CFAP46: variants seen among roughly 807,000 people sequenced by gnomAD.
CFAP46 encodes the protein cilia and flagella associated protein 46.
CFAP46 carries 245 observed loss-of-function variants against 325.7 expected under a neutral mutation model. That is an observed-to-expected ratio of 0.75 (90% CI 0.68 to 0.84). The LOEUF (loss-of-function observed/expected upper bound fraction) is 0.84, where lower values mean the gene tolerates loss of function less well. Ranked by LOEUF, CFAP46 falls within the 40% of genes least tolerant of loss-of-function variation. The pLI, the probability that CFAP46 is intolerant of heterozygous loss-of-function variation, is 0.00. For missense variants in CFAP46, 3,346 were observed against 3,543.0 expected, an observed-to-expected ratio of 0.94 and a Z score of 1.41; for synonymous variants, 1,523 against 1,495.9, an observed-to-expected ratio of 1.02 and a Z score of -0.42.
intron 18 of CFAP46, 94 bp from the exon 19 acceptor site, chr10:132,912,914 G>A (rs1410701425): frequency 4.7e-6 from 7 of 1,496,826 alleles, no homozygotes; most frequent in African/African-American, 2.8e-5. Flanking sequence ...AGAGGCCTGA[G>A]ATGCACGGGT....
At chr10:132,826,972 C>T (rs1848067837) in intron 50 of CFAP46, among the ~76,000 whole-genome samples, 1 of 152,174 alleles carries the variant, frequency 6.6e-6, no homozygotes, top group South Asian at 2.1e-4. Context: ...CAGGTGCTGC[C>T]TCCTGCCTGA....
rs1164440494 is a variant in CFAP46, at chr10:132,920,137, T to A, written c.1652A>T (p.Lys551Met). ...CACGCTGACGGTGTGGTGCCACGCCTTCGCACAGAGGTAGGTGAACCGGCC... is the reference window on the plus strand; with the variant it reads ...CACGCTGACGGTGTGGTGCCACGCCATCGCACAGAGGTAGGTGAACCGGCC... ...NRGRFTYLCA[K>M]AWHHTVSVDK... The change falls in exon 14 of 58, where the codon AAG (lysine) becomes ATG (methionine). Residue 551 changes from lysine (K) to methionine (M), a missense_variant. By Grantham distance (95) the Lys-to-Met change is moderately conservative. Coordinates refer to ENST00000368586, the MANE Select transcript of CFAP46 (RefSeq NM_001200049.3). The A allele has an allele frequency of 1.1e-5, 17 of 1,548,758 alleles. No individual in the cohort carries two copies. Among genetic ancestry groups the A allele is most frequent in the Admixed American group, 4.0e-5 (2 of 50,632 alleles).
chr10:132,825,113 GA>G (rs1235464244), intron 50 of CFAP46, among the ~76,000 whole-genome samples: 1 of 146,908 alleles, frequency 6.8e-6, no homozygotes, highest in African/African-American at 2.6e-5. Flanking sequence ...GATGTGTGCT[GA>G]TGTGTGCACT....
rs376257826 is a variant in CFAP46 at position 132,834,234 on chromosome 10, C to G, written c.6867-111G>C. ...CTCTAAGGCAGCAGCACCACGAATC[C>G]CCACGCTCACTTCTGGGGATGGTCC... On this transcript the variant is annotated intron_variant, in intron 48 of 57. Coordinates refer to ENST00000368586, the MANE Select transcript of CFAP46 (RefSeq NM_001200049.3). The G allele has an allele frequency of 1.3e-5, 13 of 969,128 alleles. No homozygotes were observed. The Admixed American group carries it at 2.8e-4, about 21-fold the overall frequency. 60.0% of individuals were successfully genotyped at this position (969,128 alleles called of 1,614,324 possible). A position where few individuals can be genotyped will look rare whatever the true frequency, so the allele number is the denominator to read the frequency against.
At chr10:132,909,835 G>A (rs943561665) in intron 20 of CFAP46, 84 bp downstream of exon 20, 25 of 1,290,116 alleles carry the variant, frequency 1.9e-5, no homozygotes, top group African/African-American at 6.2e-5. Flanking sequence ...AAGTGGTCCC[G>A]GGGGCCCCAC....
intron 9 of CFAP46, among the ~76,000 whole-genome samples, chr10:132,928,305 A>G (rs1230812898): frequency 6.6e-6 from 1 of 152,144 alleles, no homozygotes; most frequent in Non-Finnish European, 1.5e-5. Context: ...AATTGGGGAC[A>G]CCGTGCCGTG....
At chr10:132,818,260 C>T (rs1847732165) in intron 50 of CFAP46, among the ~76,000 whole-genome samples, 1 of 151,282 alleles carries the variant, frequency 6.6e-6, no homozygotes, top group African/African-American at 2.4e-5. Context: ...TGGATCCCCT[C>T]GTAGAAAAAA....
intron 15 of CFAP46, 30 bp from the exon 16 acceptor site, chr10:132,918,550 T>C: frequency 6.7e-7 from 1 of 1,496,482 alleles, no homozygotes; most frequent in Non-Finnish European, 9.0e-7. Context: ...GTAAGGATCA[T>C]GTTTTTTTCT....
At chr10:132,898,892 G>C in intron 24 of CFAP46, 67 bp downstream of exon 24, 1 of 1,524,182 alleles carries the variant, frequency 6.6e-7, no homozygotes. Flanking sequence ...GAGTCTCTCC[G>C]GTCCTTTCTG....
At chr10:132,823,428 G>C (rs1214884330) in intron 50 of CFAP46, among the ~76,000 whole-genome samples, 7 of 140,140 alleles carry the variant, frequency 5.0e-5, no homozygotes, top group Admixed American at 2.1e-4. Context: ...TGTGAGTGCT[G>C]ATGTGTGCTG....
At position 132,862,376 on chromosome 10, in the gene CFAP46, G is replaced by A. The variant is rs970194781; in HGVS notation, c.4891-1394C>T. Among the ~76,000 whole-genome samples, 12 of 151,400 alleles carry A rather than the reference G, an allele frequency of 7.9e-5. No individual in the cohort carries two copies. The South Asian group carries it at 1.5e-3, about 19-fold the overall frequency. On this transcript the variant is annotated intron_variant, in intron 35 of 57. Coordinates refer to ENST00000368586, the MANE Select transcript of CFAP46 (RefSeq NM_001200049.3). ...TTCCACATGGAGAGGAGGAGGGTGC[G>A]GAGGTGGGACAGAGCTTGGCCGGGG... is the stretch of plus-strand genomic sequence containing the variant.
In CFAP46 at chr10:132,924,695, C is replaced by A; in HGVS notation, c.1256+1G>T. 2 of 1,521,028 alleles carry A rather than the reference C, an allele frequency of 1.3e-6. No homozygotes were observed. The highest frequency in any genetic ancestry group is 8.8e-7 in the Non-Finnish European group (1 of 1,134,854). 94.2% of individuals were successfully genotyped at this position (1,521,028 alleles called of 1,614,324 possible). The stretch of plus-strand genomic sequence containing the variant: ...GGACACAGCACAGGTGAGCGCCCCA[C>A]CTGTCCAGCTTCTCCAGCACGTCCG... On this transcript the variant is annotated splice_donor_variant, in intron 11 of 57. Coordinates refer to ENST00000368586, the MANE Select transcript of CFAP46 (RefSeq NM_001200049.3). LOFTEE classifies it high-confidence loss of function.
intron 50 of CFAP46, among the ~76,000 whole-genome samples, chr10:132,829,768 A>C (rs1176194599): frequency 1.3e-5 from 2 of 152,238 alleles, no homozygotes; most frequent in African/African-American, 4.8e-5. Flanking sequence ...TTCTGCATCT[A>C]TTGCAATCAT....
chr10:132,829,551 C>T (rs561230831), intron 50 of CFAP46, among the ~76,000 whole-genome samples: 2 of 152,306 alleles, frequency 1.3e-5, no homozygotes, highest in Non-Finnish European at 2.9e-5. Context: ...CTACTCCGGC[C>T]GGGATCTCCA....
At chr10:132,845,032 C>T (rs1317189578) in intron 44 of CFAP46, among the ~76,000 whole-genome samples, 1 of 152,102 alleles carries the variant, frequency 6.6e-6, no homozygotes, top group Non-Finnish European at 1.5e-5. Flanking sequence ...GCCACAGGCA[C>T]CCCCCTGCAT....
intron 10 of CFAP46, among the ~76,000 whole-genome samples, chr10:132,925,284 G>A (rs2135641535): frequency 6.6e-6 from 1 of 152,346 alleles, no homozygotes; most frequent in Non-Finnish European, 1.5e-5. Context: ...TTTCAGTGGA[G>A]CAGTCTCCCC....
rs777309384 is a variant in CFAP46, at chr10:132,877,944, ATTCTCCTTCTCTTTACTCCTCTCC to A, written c.4125_4148del (p.Lys1375_Glu1382del). Reference sequence around the variant, plus strand: ...CCTTGTCCTTCTCTTTACTCCTCTCATTCTCCTTCTCTTTACTCCTCTCCTTCTCCTTCTCTTTACTCCTCTCAT... The same window carrying A: ...CCTTGTCCTTCTCTTTACTCCTCTCATTCTCCTTCTCTTTACTCCTCTCAT... On this transcript the variant is annotated inframe_deletion, in exon 30 of 58. Coordinates refer to ENST00000368586, the MANE Select transcript of CFAP46 (RefSeq NM_001200049.3). This position sits in a 1 kb window ranked among gnomAD's most constrained non-coding sequence, Gnocchi z 5.7. The A allele has an allele frequency of 3.6e-4, 554 of 1,548,796 alleles. No homozygotes were observed. The African/African-American group carries it at 5.2e-3, about 15-fold the overall frequency.
chr10:132,824,997 GC>G (rs1848012712), intron 50 of CFAP46, among the ~76,000 whole-genome samples: 1 of 143,460 alleles, frequency 7.0e-6, no homozygotes. Flanking sequence ...TGCTGTGTGT[GC>G]TGATGTGTGC....
At chr10:132,831,513 A>G (rs7903387) in intron 50 of CFAP46, among the ~76,000 whole-genome samples, 91,024 of 151,782 alleles carry the variant, frequency 0.6, 27,543 homozygotes, top group Admixed American at 0.67. Flanking sequence ...CCCTGGTCAC[A>G]TTCCCAGGAT....
Sources: gnomAD v4.1 joint callset for allele counts (sites outside exome capture counted in the v4.1 genomes callset) on GRCh38, gnomAD v4.1.1 for gene constraint, Gnocchi (gnomAD v3.1) non-coding constraint, MANE v1.5 for transcripts, NCBI Gene and HGNC (gene_info 2026-07-23, HGNC 2026-07-21) for gene names.